The following AKAP13 variants were observed in gnomAD, a reference collection of about 807,000 sequenced individuals.
AKAP13 encodes A-kinase anchor protein 13.
Under a neutral mutation model 264.5 loss-of-function variants are expected in AKAP13, and 80 were observed. That is an observed-to-expected ratio of 0.30 (90% CI 0.25 to 0.36). AKAP13 has a LOEUF of 0.36. Among genes scored for constraint, AKAP13 ranks in the 10% least tolerant of loss-of-function variants. The pLI, the probability that AKAP13 is intolerant of heterozygous loss-of-function variation, is 1.00. For missense variants in AKAP13, 3,712 were observed against 3,435.2 expected (o/e 1.08, Z -2.01); for synonymous variants, 1,380 against 1,250.2 (o/e 1.10, Z -2.19).
intron 8 of AKAP13, among the ~76,000 whole-genome samples, chr15:85,605,612 C>T (rs751805739): frequency 6.6e-6 from 1 of 152,126 alleles, no homozygotes; most frequent in Non-Finnish European, 1.5e-5. Context: ...CCGAGTCATG[C>T]ACATGTAGCC....
chr15:85,529,501 G>T (rs2077183012), intron 3 of AKAP13, among the ~76,000 whole-genome samples: 4 of 152,210 alleles, frequency 2.6e-5, no homozygotes, highest in Admixed American at 2.6e-4. Flanking sequence ...GTTGCAAATA[G>T]TCATGTCTCT....
chr15:85,658,659 C>A (rs1567179432), intron 12 of AKAP13, 69 bp downstream of exon 12: 1 of 1,366,400 alleles, frequency 7.3e-7, no homozygotes, highest in East Asian at 2.4e-5. Context: ...GCATCTCATT[C>A]TGCTTAATCC....
intron 33 of AKAP13, among the ~76,000 whole-genome samples, chr15:85,738,682 C>CAAAA (rs2088719856): frequency 6.6e-6 from 1 of 150,568 alleles, no homozygotes; most frequent in Non-Finnish European, 1.5e-5. Context: ...ACTAAAAATA[C>CAAAA]AAAAAATTAG....
intron 12 of AKAP13, among the ~76,000 whole-genome samples, chr15:85,658,828 T>A (rs1311910493): frequency 3.3e-5 from 5 of 152,206 alleles, no homozygotes; most frequent in South Asian, 2.1e-4. Context: ...TTAATTTTTT[T>A]AAATCTTGTG....
chr15:85,620,145 C>G (rs1402546564), intron 8 of AKAP13: 2 of 1,535,960 alleles, frequency 1.3e-6, no homozygotes, highest in East Asian at 2.4e-5. Context: ...CCAAGGTGGA[C>G]AGGACTGTGG....
chr15:85,389,309 C>T (rs2070740224), intron 1 of AKAP13, among the ~76,000 whole-genome samples: 1 of 152,188 alleles, frequency 6.6e-6, no homozygotes, highest in Non-Finnish European at 1.5e-5. Context: ...ACAAGGCTGT[C>T]ATGTTGTGCT....
At chr15:85,525,121 C>T (rs1406472991) in intron 3 of AKAP13, among the ~76,000 whole-genome samples, 5 of 145,134 alleles carry the variant, frequency 3.4e-5, no homozygotes, top group East Asian at 2.0e-4. Context: ...TGCAGTGGCG[C>T]GATCTCGGCT....
intron 14 of AKAP13, among the ~76,000 whole-genome samples, chr15:85,681,047 A>G (rs1176581993): frequency 6.6e-6 from 1 of 152,020 alleles, no homozygotes; most frequent in Non-Finnish European, 1.5e-5. Flanking sequence ...TAAACTCCTG[A>G]CCTCAAGTGA....
intron 4 of AKAP13, chr15:85,535,089 C>T (rs758294174): frequency 6.6e-6 from 1 of 152,196 alleles, no homozygotes; most frequent in Non-Finnish European, 1.5e-5. Flanking sequence ...GTAGAGTCCA[C>T]CCAGCCTTGA....
At chr15:85,389,529 C>G (rs913881189) in intron 1 of AKAP13, among the ~76,000 whole-genome samples, 1 of 152,122 alleles carries the variant, frequency 6.6e-6, no homozygotes, top group Non-Finnish European at 1.5e-5. Flanking sequence ...CCAGTTACTC[C>G]GTCATGGTTA....
At chr15:85,413,440 AC>A (rs1221707056) in intron 1 of AKAP13, among the ~76,000 whole-genome samples, 1 of 152,156 alleles carries the variant, frequency 6.6e-6, no homozygotes, top group African/African-American at 2.4e-5. Flanking sequence ...GGGTATAGAA[AC>A]TTTAGATTGT....
chr15:85,663,170 C>G (rs1386981109), intron 12 of AKAP13, among the ~76,000 whole-genome samples: 1 of 152,114 alleles, frequency 6.6e-6, no homozygotes, highest in East Asian at 1.9e-4. Context: ...ATTGGCCAGA[C>G]ACGGTAGCAG....
At chr15:85,544,193 A>G (rs1168452206) in intron 5 of AKAP13, 12 of 653,924 alleles carry the variant, frequency 1.8e-5, no homozygotes, top group Non-Finnish European at 3.4e-5. Context: ...TGCCTTCTTC[A>G]ATTCTTATCT....
In AKAP13 at chr15:85,719,266, G is replaced by A. The variant is rs778163924; in HGVS notation, c.6192G>A (p.Leu2064=). The A allele has an allele frequency of 2.0e-5, 32 of 1,614,008 alleles. No homozygotes were observed. In the Admixed American group the frequency reaches 3.2e-4, roughly 16 times the overall value. Residue 2064 remains leucine, a synonymous_variant, in exon 23 of 37, where the codon CTG becomes CTA. Coordinates refer to ENST00000394518, the MANE Select transcript of AKAP13 (RefSeq NM_007200.5). ...TTCTGGAGCGGAAGAAGGAGTCTCT[G>A]GTGGATAAAAGTGAAAAGAACTTTC... ...QRILERKKES[L]VDKSEKNFLI...
chr15:85,574,589 A>G (rs2078946146), intron 5 of AKAP13, among the ~76,000 whole-genome samples: 1 of 152,220 alleles, frequency 6.6e-6, no homozygotes, highest in Non-Finnish European at 1.5e-5. Flanking sequence ...CAAGTGTTGA[A>G]CAATATGTCA....
chr15:85,504,903 C>T (rs1334457973), intron 2 of AKAP13, among the ~76,000 whole-genome samples: 1 of 151,894 alleles, frequency 6.6e-6, no homozygotes, highest in African/African-American at 2.4e-5. Context: ...CTTGCTCTCC[C>T]TCGCACCCTC....
chr15:85,517,671 A>T (rs1030018217), intron 2 of AKAP13, among the ~76,000 whole-genome samples: 1 of 152,140 alleles, frequency 6.6e-6, no homozygotes, highest in Admixed American at 6.5e-5. Context: ...GTTTTATAAA[A>T]ACCTGTTTTT....
rs1000968432 is a variant in AKAP13, at chr15:85,599,210, C to G, written c.4161+13387C>G. On this transcript the variant is annotated intron_variant, in intron 8 of 36. Transcript: ENST00000394518. The stretch of plus-strand genomic sequence containing the variant: ...GGAAAAGGATTTAAATCCTGGCTTT[C>G]CTGACATGGAACTTTCCTGCAGTGG... 3.3e-5 allele frequency among the ~76,000 whole-genome samples: 5 copies of G among 152,314 alleles called. No homozygotes were observed. In the South Asian group the frequency reaches 8.3e-4, roughly 25 times the overall value.
At chr15:85,452,086 T>A (rs2074112120) in intron 1 of AKAP13, among the ~76,000 whole-genome samples, 1 of 152,220 alleles carries the variant, frequency 6.6e-6, no homozygotes. Flanking sequence ...TATTTCCGTC[T>A]GTCTTATTTC....
Sources: allele counts gnomAD v4.1 joint callset (sites outside exome capture counted in the v4.1 genomes callset), GRCh38; gene constraint gnomAD v4.1.1; transcripts MANE v1.5; gene names NCBI Gene and HGNC (gene_info 2026-07-23, HGNC 2026-07-21).